MPHOSPH6: variants seen among roughly 807,000 people sequenced by gnomAD.
MPHOSPH6 encodes M-phase phosphoprotein 6.
A neutral mutation model predicts 21.8 loss-of-function variants in MPHOSPH6; 25 were observed. The ratio of observed to expected loss-of-function variants is 1.15; its 90% CI spans 0.83 to 1.60. The LOEUF (loss-of-function observed/expected upper bound fraction) is 1.60. Ranked by LOEUF, MPHOSPH6 falls within the 40% of genes most tolerant of loss-of-function variation. The probability of loss-of-function intolerance (pLI) is 0.00; values close to 1 mark genes in which losing one functional copy is unlikely to be tolerated. For synonymous variants in MPHOSPH6, 84 were observed against 56.5 expected (o/e 1.49, Z -2.18); for missense variants, 269 against 181.8 (o/e 1.48, Z -2.76).
intron 2 of MPHOSPH6, among the ~76,000 whole-genome samples, chr16:82,159,034 C>A (rs1368414458): frequency 6.6e-6 from 1 of 152,170 alleles, no homozygotes; most frequent in Non-Finnish European, 1.5e-5. Context: ...TCTGAAGAAA[C>A]TACTACTGAC....
chr16:82,158,775 T>G (rs1258136291), intron 2 of MPHOSPH6, among the ~76,000 whole-genome samples: 1 of 152,250 alleles, frequency 6.6e-6, no homozygotes, highest in Non-Finnish European at 1.5e-5. Context: ...ATCTGTCATC[T>G]TGGGCTTGAT....
At chr16:82,163,469 G>A (rs866239719) in intron 2 of MPHOSPH6, among the ~76,000 whole-genome samples, 5 of 152,206 alleles carry the variant, frequency 3.3e-5, no homozygotes, top group East Asian at 3.9e-4. Context: ...CTGACTAGCT[G>A]GGTGAAGCTG....
rs770154698 is a variant in MPHOSPH6, at chr16:82,148,684, G to A, written c.*47C>T. ...CATTGGGATGAGCTCCAGATGCCCT[G>A]CTGACTTCCACCAAGCACCCCTGGG... On this transcript the variant is annotated 3_prime_UTR_variant, in exon 5 of 5. Transcript: ENST00000258169. 3.1e-6 allele frequency: 5 copies of A among 1,602,036 alleles called. No homozygotes were observed. The highest frequency in any genetic ancestry group is 4.3e-6 in the Non-Finnish European group (5 of 1,173,838).
Position 82,148,507 on chromosome 16 carries a change from T to G in MPHOSPH6, c.*224A>C, listed in dbSNP as rs2142402071. The G allele has an allele frequency of 1.5e-5, 7 of 470,546 alleles. No individual in the cohort carries two copies. Among genetic ancestry groups the G allele is most frequent in the Non-Finnish European group, 2.5e-5 (7 of 281,634 alleles). The allele number at this position is 470,546 out of a possible 1,614,324, so 29.1% of individuals were successfully genotyped here. A position where few individuals can be genotyped will look rare whatever the true frequency, so the allele number is the denominator to read the frequency against. Reference sequence around the variant, plus strand: ...AAGCAGCCCTGTAACAATGTACATTTGTAGATCAGGGGCTAAAAATCCACT... The same window carrying G: ...AAGCAGCCCTGTAACAATGTACATTGGTAGATCAGGGGCTAAAAATCCACT... On this transcript the variant is annotated 3_prime_UTR_variant, in exon 5 of 5. Transcript: ENST00000258169.
chr16:82,148,920 C>T (rs1906174359), intron 4 of MPHOSPH6, 57 bp from the exon 5 acceptor site: 1 of 1,585,584 alleles, frequency 6.3e-7, no homozygotes, highest in Admixed American at 1.8e-5. Flanking sequence ...AGGGATCAAG[C>T]CTTGTCAAGA....
chr16:82,168,233 A>C (rs1193239205), intron 1 of MPHOSPH6, among the ~76,000 whole-genome samples: 7 of 152,274 alleles, frequency 4.6e-5, no homozygotes, highest in African/African-American at 1.7e-4. Context: ...ACAACTGCTA[A>C]AATCTTTCCA....
At chr16:82,152,224 A>G (rs150159823) in intron 2 of MPHOSPH6, among the ~76,000 whole-genome samples, 4,049 of 152,260 alleles carry the variant, frequency 0.027, 72 homozygotes, top group Non-Finnish European at 0.039. Flanking sequence ...AAAAAATTTC[A>G]ATAGTTTTTG....
At chr16:82,154,219 G>A (rs947954605) in intron 2 of MPHOSPH6, among the ~76,000 whole-genome samples, 1 of 152,202 alleles carries the variant, frequency 6.6e-6, no homozygotes, top group Non-Finnish European at 1.5e-5. Flanking sequence ...CCAGAGAGGA[G>A]AGAACAAGCT....
chr16:82,169,567 C>G (rs2911427), intron 1 of MPHOSPH6, among the ~76,000 whole-genome samples: 6,982 of 152,240 alleles, frequency 0.046, 530 homozygotes, highest in African/African-American at 0.16. Flanking sequence ...AAAAATACCC[C>G]CTCTCTCCAT....
intron 2 of MPHOSPH6, among the ~76,000 whole-genome samples, chr16:82,159,658 G>A (rs558062492): frequency 6.6e-6 from 1 of 152,182 alleles, no homozygotes; most frequent in South Asian, 2.1e-4. Flanking sequence ...CGCCTGCCTC[G>A]GCCTCCCAAA....
At chr16:82,154,197 A>T (rs1296370067) in intron 2 of MPHOSPH6, among the ~76,000 whole-genome samples, 2 of 152,230 alleles carry the variant, frequency 1.3e-5, no homozygotes, top group African/African-American at 4.8e-5. Flanking sequence ...GAAATGTTTG[A>T]GTTCTGCCTA....
At chr16:82,155,319 G>T (rs1254197903) in intron 2 of MPHOSPH6, among the ~76,000 whole-genome samples, 1 of 152,218 alleles carries the variant, frequency 6.6e-6, no homozygotes, top group Admixed American at 6.5e-5. Context: ...TACTGTATTG[G>T]GTCCTTAGCC....
chr16:82,154,302 A>G lies in MPHOSPH6; in HGVS notation c.165-2788T>C, dbSNP rs111925470. 3.4e-3 allele frequency among the ~76,000 whole-genome samples: 523 copies of G among 152,326 alleles called. 3 individuals are homozygous for G. Among genetic ancestry groups the G allele is most frequent in the African/African-American group, 0.012 (506 of 41,578 alleles). On this transcript the variant is annotated intron_variant, in intron 2 of 4. Coordinates refer to ENST00000258169, the MANE Select transcript of MPHOSPH6 (RefSeq NM_005792.2). Reference sequence around the variant, plus strand: ...ACAATTTAGCTACAAAACACACCCTAACAAAATCAAGCTGATTGGCATGTA... The same window carrying G: ...ACAATTTAGCTACAAAACACACCCTGACAAAATCAAGCTGATTGGCATGTA...
chr16:82,160,245 G>GT (rs1906565889), intron 2 of MPHOSPH6, among the ~76,000 whole-genome samples: 1 of 152,038 alleles, frequency 6.6e-6, no homozygotes, highest in Admixed American at 6.6e-5. Context: ...ACCTCTTTTT[G>GT]TATTTTAATT....
chr16:82,168,120 G>T (rs1032085632), intron 1 of MPHOSPH6, among the ~76,000 whole-genome samples: 2 of 100,506 alleles, frequency 2.0e-5, no homozygotes, highest in Non-Finnish European at 4.9e-5. Context: ...CATTTGGTGG[G>T]GGTGGACATT....
chr16:82,166,506 G>C (rs1906785123), intron 1 of MPHOSPH6, among the ~76,000 whole-genome samples: 2 of 152,188 alleles, frequency 1.3e-5, no homozygotes, highest in South Asian at 2.1e-4. Flanking sequence ...ACATTCTCAA[G>C]ACAGCCTCAT....
intron 2 of MPHOSPH6, among the ~76,000 whole-genome samples, chr16:82,160,587 A>C (rs1020586001): frequency 2.0e-5 from 3 of 152,194 alleles, no homozygotes; most frequent in African/African-American, 7.2e-5. Context: ...TTGGGGCCGA[A>C]GGCAAGTCTG....
At chr16:82,165,253 G>A (rs375148092) in intron 1 of MPHOSPH6, among the ~76,000 whole-genome samples, 24 of 150,468 alleles carry the variant, frequency 1.6e-4, no homozygotes, top group Non-Finnish European at 3.0e-4. Context: ...TCAGCTTCTC[G>A]AGTAGCTGAG....
chr16:82,164,502 G>A (rs1414600342), intron 1 of MPHOSPH6: 1 of 242,370 alleles, frequency 4.1e-6, no homozygotes. Flanking sequence ...GGCACCTGCT[G>A]ATCTGGGGTT....
Sources: gnomAD v4.1 joint callset for allele counts (sites outside exome capture counted in the v4.1 genomes callset) on GRCh38, gnomAD v4.1.1 for gene constraint, MANE v1.5 for transcripts, NCBI Gene and HGNC (gene_info 2026-07-23, HGNC 2026-07-21) for gene names.